Variants in MTMR8 observed in about 807,000 individuals in gnomAD.
The protein encoded by MTMR8 is phosphatidylinositol-3,5-bisphosphate 3-phosphatase MTMR8.
A neutral mutation model predicts 39.3 loss-of-function variants in MTMR8; 65 were observed. The observed-to-expected ratio is 1.65, with a 90% CI of 1.35 to 2.03. The LOEUF (loss-of-function observed/expected upper bound fraction) is 2.03, where lower values mean the gene tolerates loss of function less well. MTMR8 is among the 30% of genes most tolerant of loss of function. The probability of loss-of-function intolerance (pLI) is 0.00; values close to 1 mark genes in which losing one functional copy is unlikely to be tolerated. For missense variants in MTMR8, 777 were observed against 538.9 expected, an observed-to-expected ratio of 1.44 and a Z score of -4.37; for synonymous variants, 245 against 185.2, an observed-to-expected ratio of 1.32 and a Z score of -2.62.
chrX:64,288,724 T>C (rs894407962), intron 12 of MTMR8, among the ~76,000 whole-genome samples: 6 of 111,064 alleles, frequency 5.4e-5, no homozygotes, highest in Non-Finnish European at 9.4e-5. Flanking sequence ...TGCAGGGACA[T>C]GGATGAAGCT....
intron 6 of MTMR8, among the ~76,000 whole-genome samples, chrX:64,348,285 G>T (rs1206319127): frequency 9.0e-6 from 1 of 110,887 alleles, no homozygotes. Flanking sequence ...GTTGGTTGTA[G>T]TAAGTTTCCA....
intron 1 of MTMR8, among the ~76,000 whole-genome samples, chrX:64,386,377 G>A (rs1329864313): frequency 8.9e-6 from 1 of 112,050 alleles, no homozygotes; most frequent in East Asian, 2.8e-4. Flanking sequence ...AAAGGAGGGA[G>A]CAAGGTGGGA....
chrX:64,319,790 T>G (rs1922580116), intron 12 of MTMR8, among the ~76,000 whole-genome samples: 1 of 111,571 alleles, frequency 9.0e-6, no homozygotes, highest in Non-Finnish European at 1.9e-5. Context: ...AGTACCATGC[T>G]GTTTTGGTTA....
intron 1 of MTMR8, among the ~76,000 whole-genome samples, chrX:64,363,198 T>C (rs1251522714): frequency 1.8e-5 from 2 of 111,634 alleles, no homozygotes; most frequent in East Asian, 5.7e-4. Context: ...ATGTATTTCC[T>C]ATGACTCAGC....
intron 10 of MTMR8, among the ~76,000 whole-genome samples, chrX:64,334,816 C>T (rs970369315): frequency 9.8e-5 from 11 of 111,686 alleles, no homozygotes; most frequent in African/African-American, 3.3e-4. Context: ...GTTAAAATGT[C>T]ACCTATTACA....
intron 1 of MTMR8, among the ~76,000 whole-genome samples, chrX:64,370,708 A>C (rs970940443): frequency 3.6e-5 from 4 of 112,114 alleles, no homozygotes; most frequent in African/African-American, 1.3e-4. Flanking sequence ...TATATACCAC[A>C]TAGCCTAGGT....
chrX:64,324,092 G>C (rs942902760), intron 12 of MTMR8, among the ~76,000 whole-genome samples: 1 of 112,935 alleles, frequency 8.9e-6, no homozygotes, highest in Non-Finnish European at 1.9e-5. Context: ...CCCAGGCACA[G>C]TAGCTTATGC....
chrX:64,277,028 C>G (rs1931885380), intron 12 of MTMR8, among the ~76,000 whole-genome samples: 1 of 111,145 alleles, frequency 9.0e-6, no homozygotes, highest in African/African-American at 3.3e-5. Context: ...CTTTTTTGAC[C>G]TTTGTTGGTT....
At chrX:64,276,352 T>C (rs961731994) in intron 12 of MTMR8, among the ~76,000 whole-genome samples, 3 of 111,370 alleles carry the variant, frequency 2.7e-5, no homozygotes, top group Non-Finnish European at 3.8e-5. Flanking sequence ...GTTCTAGACC[T>C]AGAACATCTC....
intron 12 of MTMR8, among the ~76,000 whole-genome samples, chrX:64,302,167 C>T (rs954664299): frequency 1.8e-5 from 2 of 112,617 alleles, no homozygotes; most frequent in Non-Finnish European, 1.9e-5. Flanking sequence ...CCCCCAGCCT[C>T]GCTGCTGCCT....
chrX:64,292,428 C>A (rs763664199), intron 12 of MTMR8, among the ~76,000 whole-genome samples: 1 of 111,039 alleles, frequency 9.0e-6, no homozygotes, highest in African/African-American at 3.3e-5. Flanking sequence ...TTGGACCTCG[C>A]TGTTGGTTGC....
At chrX:64,295,892 C>A (rs1313361767) in intron 12 of MTMR8, among the ~76,000 whole-genome samples, 1 of 111,916 alleles carries the variant, frequency 8.9e-6, no homozygotes. Flanking sequence ...CTGTGGAAAA[C>A]AACTTCGAAG....
At chrX:64,375,089 G>A (rs1924234434) in intron 1 of MTMR8, among the ~76,000 whole-genome samples, 1 of 108,809 alleles carries the variant, frequency 9.2e-6, no homozygotes, top group African/African-American at 3.4e-5. Context: ...GCCAGCTGTG[G>A]TGGCTCACAC....
At chrX:64,300,752 G>A (rs1456498830) in intron 12 of MTMR8, among the ~76,000 whole-genome samples, 1 of 105,039 alleles carries the variant, frequency 9.5e-6, no homozygotes, top group African/African-American at 3.5e-5. Context: ...TCCTTCAGGA[G>A]CTCTTGTAGG....
At chrX:64,300,644 G>A (rs1387832818) in intron 12 of MTMR8, among the ~76,000 whole-genome samples, 39 of 100,857 alleles carry the variant, frequency 3.9e-4, no homozygotes, top group Admixed American at 5.4e-4. Context: ...GATTTTGCTC[G>A]TTAGTTGATG....
At chrX:64,386,828 G>T (rs773770041) in intron 1 of MTMR8, among the ~76,000 whole-genome samples, 5 of 110,515 alleles carry the variant, frequency 4.5e-5, no homozygotes, top group Non-Finnish European at 9.5e-5. Flanking sequence ...AGGATTGCTT[G>T]GGCCCAGGAG....
intron 12 of MTMR8, among the ~76,000 whole-genome samples, chrX:64,299,717 C>T (rs12380959): frequency 5.5e-4 from 55 of 100,265 alleles, no homozygotes; most frequent in African/African-American, 1.7e-3. Context: ...GTGGGCATTT[C>T]GTGCTATAAA....
chrX:64,308,418 C>T lies in MTMR8; in HGVS notation c.1481+20354G>A, dbSNP rs755173937. Among the ~76,000 whole-genome samples the T allele has an allele frequency of 4.8e-5, 5 of 103,628 alleles. No individual in the cohort carries two copies. The Admixed American group carries it at 5.4e-4, about 11-fold the overall frequency. 90.0% of individuals were successfully genotyped at this position (103,628 alleles called of 115,157 possible). On this transcript the variant is annotated intron_variant, in intron 12 of 13. Coordinates refer to ENST00000374852, the MANE Select transcript of MTMR8 (RefSeq NM_017677.4). ...TCTCCTGACCTCGTGATCCACTGGA[C>T]TCGGCCTCCCAAAGTGCTGGGATTA... is the stretch of plus-strand genomic sequence containing the variant.
chrX:64,288,491 C>T (rs889328352), intron 12 of MTMR8, among the ~76,000 whole-genome samples: 1 of 111,434 alleles, frequency 9.0e-6, no homozygotes, highest in Non-Finnish European at 1.9e-5. Context: ...CTAGAAATAC[C>T]ATTTGACCCA....
Sources: allele counts gnomAD v4.1 joint callset (sites outside exome capture counted in the v4.1 genomes callset), GRCh38; gene constraint gnomAD v4.1.1; transcripts MANE v1.5; gene names NCBI Gene and HGNC (gene_info 2026-07-23, HGNC 2026-07-21).